The following CAMKMT variants were observed in gnomAD, a reference collection of about 807,000 sequenced individuals.
CAMKMT encodes the protein CaM KMT.
Under a neutral mutation model 48.0 loss-of-function variants are expected in CAMKMT, and 53 were observed. The ratio of observed to expected loss-of-function variants is 1.10; its 90% CI spans 0.89 to 1.39. CAMKMT has a LOEUF of 1.39. CAMKMT is among the 40% of genes most tolerant of loss of function. The pLI is 0.00. For missense variants in CAMKMT, 428 were observed against 402.7 expected, an observed-to-expected ratio of 1.06 and a Z score of -0.54; for synonymous variants, 165 against 152.3, an observed-to-expected ratio of 1.08 and a Z score of -0.61.
chr2:44,580,435 T>C (rs963249727), intron 3 of CAMKMT, among the ~76,000 whole-genome samples: 1 of 152,126 alleles, frequency 6.6e-6, no homozygotes, highest in Non-Finnish European at 1.5e-5. Context: ...GGAAAAACCA[T>C]GGTCACAGGA....
At chr2:44,488,770 G>A (rs367584522) in intron 3 of CAMKMT, among the ~76,000 whole-genome samples, 17 of 151,624 alleles carry the variant, frequency 1.1e-4, no homozygotes, top group African/African-American at 4.1e-4. Flanking sequence ...CAGTTGCATT[G>A]TTATGAAATA....
At chr2:44,469,632 TTTA>T (rs1440002787) in intron 3 of CAMKMT, among the ~76,000 whole-genome samples, 1 of 152,152 alleles carries the variant, frequency 6.6e-6, no homozygotes, top group African/African-American at 2.4e-5. Flanking sequence ...TTCCAAATTT[TTTA>T]TTGTGTTAAA....
chr2:44,531,597 C>T (rs1666489153), intron 3 of CAMKMT, among the ~76,000 whole-genome samples: 1 of 152,028 alleles, frequency 6.6e-6, no homozygotes, highest in South Asian at 2.1e-4. Context: ...GGTCATGTAT[C>T]CCTTTTTTCA....
At chr2:44,695,938 A>C (rs968451950) in intron 3 of CAMKMT, among the ~76,000 whole-genome samples, 1 of 151,744 alleles carries the variant, frequency 6.6e-6, no homozygotes, top group Non-Finnish European at 1.5e-5. Flanking sequence ...TAACACAAAA[A>C]TTTTTATTTT....
chr2:44,440,904 C>A (rs981241395), intron 3 of CAMKMT, among the ~76,000 whole-genome samples: 1 of 152,042 alleles, frequency 6.6e-6, no homozygotes, highest in Admixed American at 6.6e-5. Context: ...AGTCAGAATT[C>A]TCCATTCCTC....
chr2:44,450,461 T>C (rs181136845), intron 3 of CAMKMT, among the ~76,000 whole-genome samples: 1 of 152,304 alleles, frequency 6.6e-6, no homozygotes, highest in East Asian at 1.9e-4. Context: ...CAAACATTGT[T>C]GGTTCATCAA....
At chr2:44,412,100 T>G (rs1418263101) in intron 3 of CAMKMT, among the ~76,000 whole-genome samples, 2 of 148,278 alleles carry the variant, frequency 1.3e-5, no homozygotes, top group African/African-American at 5.0e-5. Flanking sequence ...AAACACAGCA[T>G]ATAAAAGTAA....
chr2:44,405,774 T>C (rs1682735817), intron 3 of CAMKMT, among the ~76,000 whole-genome samples: 1 of 152,166 alleles, frequency 6.6e-6, no homozygotes, highest in African/African-American at 2.4e-5. Flanking sequence ...AATTAGATCA[T>C]AATTTGCCTT....
intron 3 of CAMKMT, among the ~76,000 whole-genome samples, chr2:44,614,090 C>T (rs954072896): frequency 6.6e-6 from 1 of 152,134 alleles, no homozygotes; most frequent in African/African-American, 2.4e-5. Context: ...TCTCCCATTT[C>T]TCCTTTTCAA....
rs141052962 is a variant in CAMKMT at position 44,490,162 on chromosome 2, A to G, written c.376+99857A>G. On this transcript the variant is annotated intron_variant, in intron 3 of 10. Coordinates refer to ENST00000378494, the MANE Select transcript of CAMKMT (RefSeq NM_024766.5). ...ATGTTAGAAATAAAAGGAAAAATAT[A>G]TAGACTTTTACAATAGTTAGGTACT... Among the ~76,000 whole-genome samples the G allele has an allele frequency of 1.5e-3, 226 of 152,352 alleles. 3 individuals carry two copies. The highest frequency in any genetic ancestry group is 5.1e-3 in the African/African-American group (212 of 41,584).
At position 44,511,031 on chromosome 2, in the gene CAMKMT, G is replaced by A. The variant is rs181025496; in HGVS notation, c.376+120726G>A. On this transcript the variant is annotated intron_variant, in intron 3 of 10. Transcript: ENST00000378494. The stretch of plus-strand genomic sequence containing the variant: ...CATTTTTGTATTTTTAGTAGAGACG[G>A]GGTTTCACCATATTGGCCAGGTTGG... Among the ~76,000 whole-genome samples, 4 of 152,078 alleles carry A rather than the reference G, an allele frequency of 2.6e-5. No individual in the cohort carries two copies. The East Asian group carries it at 7.8e-4, about 29-fold the overall frequency.
intron 3 of CAMKMT, among the ~76,000 whole-genome samples, chr2:44,447,742 G>T (rs557829192): frequency 6.6e-6 from 1 of 152,166 alleles, no homozygotes. Flanking sequence ...TGTCAGTAGG[G>T]CATAAAAGTA....
intron 8 of CAMKMT, among the ~76,000 whole-genome samples, chr2:44,749,839 C>G (rs12712924): frequency 0.17 from 26,118 of 152,044 alleles, 2,876 homozygotes; most frequent in East Asian, 0.58. Context: ...CCACCCTTAG[C>G]TAAAAAGAAT....
chr2:44,468,294 A>G (rs1668235050), intron 3 of CAMKMT, among the ~76,000 whole-genome samples: 1 of 152,242 alleles, frequency 6.6e-6, no homozygotes, highest in South Asian at 2.1e-4. Context: ...CAAAACCATG[A>G]TGATATATCA....
At chr2:44,395,931 A>G (rs1003089572) in intron 3 of CAMKMT, among the ~76,000 whole-genome samples, 2 of 152,170 alleles carry the variant, frequency 1.3e-5, no homozygotes, top group African/African-American at 4.8e-5. Context: ...AGAAATACAC[A>G]TATAAATCAA....
Position 44,558,394 on chromosome 2 carries a change from C to G in CAMKMT, c.377-145889C>G, listed in dbSNP as rs140295599. 1.7e-3 allele frequency among the ~76,000 whole-genome samples: 254 copies of G among 152,190 alleles called. 2 individuals carry two copies. Among genetic ancestry groups the G allele is most frequent in the African/African-American group, 5.6e-3 (234 of 41,518 alleles). ...ATTGCCCCAGTTTCCTTGGTACTTG[C>G]TAAGTTTAGACCTCGGGTGGACCAA... On this transcript the variant is annotated intron_variant, in intron 3 of 10. Coordinates refer to ENST00000378494, the MANE Select transcript of CAMKMT (RefSeq NM_024766.5).
rs190074276 is a variant in CAMKMT at position 44,450,444 on chromosome 2, A to G, written c.376+60139A>G. ...TTGAGTTTTGAAGATCTTAGCGTTA[A>G]TTATGCCAAACATTGTTGGTTCATC... is the stretch of plus-strand genomic sequence containing the variant. On this transcript the variant is annotated intron_variant, in intron 3 of 10. Coordinates refer to ENST00000378494, the MANE Select transcript of CAMKMT (RefSeq NM_024766.5). Among the ~76,000 whole-genome samples, 11 of 152,290 alleles carry G rather than the reference A, an allele frequency of 7.2e-5. No individual in the cohort carries two copies. The East Asian group carries it at 1.7e-3, about 24-fold the overall frequency.
At chr2:44,416,548 A>G (rs1434263310) in intron 3 of CAMKMT, among the ~76,000 whole-genome samples, 1 of 147,042 alleles carries the variant, frequency 6.8e-6, no homozygotes, top group Non-Finnish European at 1.5e-5. Context: ...TTTTTTCCCT[A>G]ATATATTTCA....
chr2:44,718,293 GAC>G, intron 7 of CAMKMT, among the ~76,000 whole-genome samples: 2 of 152,274 alleles, frequency 1.3e-5, no homozygotes, highest in Middle Eastern at 6.8e-3. Context: ...AAATGTGAAA[GAC>G]ATGCTGGTGA....
Sources: gnomAD v4.1 joint callset for allele counts (sites outside exome capture counted in the v4.1 genomes callset) on GRCh38, gnomAD v4.1.1 for gene constraint, MANE v1.5 for transcripts, NCBI Gene and HGNC (gene_info 2026-07-23, HGNC 2026-07-21) for gene names.